IRAK4: variants seen among roughly 807,000 people sequenced by gnomAD.
IRAK4 encodes the protein interleukin-1 receptor-associated kinase 4.
Under a neutral mutation model 51.8 loss-of-function variants are expected in IRAK4, and 44 were observed. The ratio of observed to expected loss-of-function variants is 0.85; its 90% confidence interval spans 0.67 to 1.09. IRAK4 has a LOEUF of 1.09. IRAK4 is among the 50% of genes least tolerant of loss of function. The probability of loss-of-function intolerance (pLI) is 0.00; values close to 1 mark genes in which losing one functional copy is unlikely to be tolerated. For missense variants in IRAK4, 487 were observed against 538.0 expected, an observed-to-expected ratio of 0.91 and a Z score of 0.94; for synonymous variants, 149 against 174.1, an observed-to-expected ratio of 0.86 and a Z score of 1.13.
chr12:43,763,295 T>C (rs996358748), intron 1 of IRAK4: 6 of 152,198 alleles, frequency 3.9e-5, no homozygotes, highest in African/African-American at 1.4e-4. Context: ...TATATGTCTG[T>C]GTGAAGCTGG....
intron 9 of IRAK4, among the ~76,000 whole-genome samples, chr12:43,782,906 C>T (rs570355382): frequency 1.3e-5 from 2 of 152,152 alleles, no homozygotes; most frequent in South Asian, 2.1e-4. Flanking sequence ...TTTTTTCATA[C>T]GTGTTTCATA....
intron 4 of IRAK4, among the ~76,000 whole-genome samples, chr12:43,772,577 A>T (rs190455652): frequency 1.3e-5 from 2 of 152,134 alleles, no homozygotes; most frequent in Non-Finnish European, 2.9e-5. Context: ...CAGAGAAGCT[A>T]TGAAAAAAAA....
chr12:43,772,787 C>A, intron 4 of IRAK4, 125 bp from the exon 5 acceptor site: 2 of 737,718 alleles, frequency 2.7e-6, no homozygotes, highest in Non-Finnish European at 4.3e-6. Flanking sequence ...GTTTTATCTT[C>A]TCTCATCTTG....
Position 43,768,138 on chromosome 12 carries a change from A to C in IRAK4, c.27A>C (p.Thr9=), listed in dbSNP as rs749572231. 1 of 1,613,782 alleles carries C rather than the reference A, an allele frequency of 6.2e-7. No individual in the cohort carries two copies. The highest frequency in any genetic ancestry group is 2.2e-5 in the East Asian group (1 of 44,826). The part of the protein sequence containing the change: MNKPITPS[T]YVRCLNVGLI... ...TGAACAAACCCATAACACCATCAAC[A>C]TATGTGCGCTGCCTCAATGTTGGAC... Residue 9 remains threonine, a synonymous_variant, in exon 2 of 12, where the codon ACA becomes ACC. Transcript: ENST00000613694.
At position 43,789,418 on chromosome 12, in the gene IRAK4, A is replaced by G. The variant is rs1168997070; in HGVS notation, c.*2703A>G. ...CCTGCAGAACCGTAAGCCAAAACAAACCTTTTTTCTTTATAAATTACCCAG... is the reference window on the plus strand; with the variant it reads ...CCTGCAGAACCGTAAGCCAAAACAAGCCTTTTTTCTTTATAAATTACCCAG... On this transcript the variant is annotated 3_prime_UTR_variant, in exon 12 of 12. Coordinates refer to ENST00000613694, the MANE Select transcript of IRAK4 (RefSeq NM_016123.4). 2.6e-5 allele frequency: 4 copies of G among 152,118 alleles called. No individual in the cohort carries two copies. The highest frequency in any genetic ancestry group is 9.7e-5 in the African/African-American group (4 of 41,414). The allele number at this position is 152,118 out of a possible 1,614,324, so 9.4% of individuals were successfully genotyped here. A position where few individuals can be genotyped will look rare whatever the true frequency, so the allele number is the denominator to read the frequency against.
At chr12:43,762,625 A>T (rs1342742356) in intron 1 of IRAK4, among the ~76,000 whole-genome samples, 1 of 152,196 alleles carries the variant, frequency 6.6e-6, no homozygotes, top group Non-Finnish European at 1.5e-5. Context: ...TCAGGAGAGC[A>T]CCCATCTAAC....
intron 2 of IRAK4, among the ~76,000 whole-genome samples, chr12:43,769,506 G>T (rs956362873): frequency 2.4e-4 from 37 of 152,030 alleles, no homozygotes; most frequent in African/African-American, 8.7e-4. Flanking sequence ...CAAAAAATTA[G>T]CTGGGTGTGG....
intron 6 of IRAK4, 59 bp from the exon 7 acceptor site, chr12:43,777,571 A>C: frequency 2.0e-6 from 3 of 1,477,320 alleles, no homozygotes; most frequent in Non-Finnish European, 2.7e-6. Context: ...ATAACTTCCA[A>C]CCTATAGCTG....
chr12:43,782,395 A>T lies in IRAK4; in HGVS notation c.1030A>T (p.Met344Leu). 6.2e-7 allele frequency: 1 copy of T among 1,613,960 alleles called. No homozygotes were observed. The highest frequency in any genetic ancestry group is 2.2e-5 in the East Asian group (1 of 44,862). The change falls in exon 9 of 12, where the codon ATG (methionine) becomes TTG (leucine). Residue 344 changes from methionine to leucine, a missense_variant. Transcript: ENST00000613694. ...RASEKFAQTV[M>L]TSRIVGTTAY... is the part of the protein sequence containing the mutation. Reference sequence around the variant, plus strand: ...TTCTGAGAAGTTTGCCCAGACAGTCATGACTAGCAGAATTGTGGGAACAAC... The same window carrying T: ...TTCTGAGAAGTTTGCCCAGACAGTCTTGACTAGCAGAATTGTGGGAACAAC...
chr12:43,767,695 AATT>A lies in IRAK4; in HGVS notation c.-9-407_-9-405del, dbSNP rs1348151299. Among the ~76,000 whole-genome samples the A allele has an allele frequency of 2.1e-5, 3 of 142,524 alleles. No individual in the cohort carries two copies. The East Asian group carries it at 5.9e-4, about 28-fold the overall frequency. The allele number at this position is 142,524 out of a possible 152,430, so 93.5% of individuals were successfully genotyped here. ...TAAATTTTAATTGTAAATAAGTACT[AATT>A]GAGAAACATAAATTGAAAGGTAAAT... On this transcript the variant is annotated intron_variant, in intron 1 of 11. Transcript: ENST00000613694.
rs1355140197 is a variant in IRAK4 at position 43,772,933 on chromosome 12, A to C, written c.512A>C (p.Tyr171Ser). 6.2e-7 allele frequency: 1 copy of C among 1,608,708 alleles called. No homozygotes were observed. The highest frequency in any genetic ancestry group is 8.5e-7 in the Non-Finnish European group (1 of 1,177,280). The change falls in exon 5 of 12, where the codon TAT becomes TCT. Residue 171 changes from tyrosine to serine, a missense_variant. Coordinates refer to ENST00000613694, the MANE Select transcript of IRAK4 (RefSeq NM_016123.4). Reference sequence around the variant, plus strand: ...ATAGGTTTTCACAGTTTTTCATTTTATGAATTGAAGAATGTCACAAATAAC... The same window carrying C: ...ATAGGTTTTCACAGTTTTTCATTTTCTGAATTGAAGAATGTCACAAATAAC... ...SDTRFHSFSFYELKNVTNNFD... is the reference protein window; with the variant it reads ...SDTRFHSFSFSELKNVTNNFD...
At chr12:43,765,328 T>A (rs1940012300) in intron 1 of IRAK4, among the ~76,000 whole-genome samples, 1 of 152,236 alleles carries the variant, frequency 6.6e-6, no homozygotes, top group Non-Finnish European at 1.5e-5. Flanking sequence ...TCGATGTGGA[T>A]GGTCTGCCGC....
intron 1 of IRAK4, among the ~76,000 whole-genome samples, chr12:43,760,089 C>G (rs533905412): frequency 6.6e-6 from 1 of 152,128 alleles, no homozygotes; most frequent in Non-Finnish European, 1.5e-5. Flanking sequence ...GCAGAGCGTT[C>G]ATTTGAAGTT....
intron 6 of IRAK4, among the ~76,000 whole-genome samples, chr12:43,775,217 A>G (rs1941157486): frequency 6.6e-6 from 1 of 152,148 alleles, no homozygotes; most frequent in Admixed American, 6.5e-5. Context: ...TTTTTTTTTC[A>G]GGATTTGTCT....
rs1286443316 is a variant in IRAK4, at chr12:43,777,710, CTAAT to C, written c.798_801del (p.Asn267ValfsTer4). ...CTCTGCTTAGTATATGTTTACATGC[CTAAT>C]GGTTCATTGCTAGACAGACTCTCTT... On this transcript the variant is annotated frameshift_variant, in exon 7 of 12. Transcript: ENST00000613694. LOFTEE classifies it high-confidence loss of function. The C allele has an allele frequency of 3.7e-6, 6 of 1,613,144 alleles. No individual in the cohort carries two copies. Among genetic ancestry groups the C allele is most frequent in the African/African-American group, 2.7e-5 (2 of 74,870 alleles).
intron 1 of IRAK4, among the ~76,000 whole-genome samples, chr12:43,763,877 T>G (rs1257141148): frequency 6.6e-6 from 1 of 152,198 alleles, no homozygotes; most frequent in Non-Finnish European, 1.5e-5. Flanking sequence ...CTATTTGACC[T>G]CTCTGAGTCT....
rs770553873 is a variant in IRAK4 at position 43,775,874 on chromosome 12, C to CTTTTTTTTTTTTTTTTTT, written c.717-1748_717-1731dup. Among the ~76,000 whole-genome samples, 8 of 90,540 alleles carry CTTTTTTTTTTTTTTTTTT rather than the reference C, an allele frequency of 8.8e-5. 1 individual carries two copies. The highest frequency in any genetic ancestry group is 4.0e-4 in the African/African-American group (8 of 19,920). The allele number at this position is 90,540 out of a possible 152,430, so 59.4% of individuals were successfully genotyped here. ...TCCTTACCTTCATTTAATATCATTA[C>CTTTTTTTTTTTTTTTTTT]TTTTTTTTTTTTTTTTTTTTTTTTT... On this transcript the variant is annotated intron_variant, in intron 6 of 11. Coordinates refer to ENST00000613694, the MANE Select transcript of IRAK4 (RefSeq NM_016123.4).
chr12:43,777,627 CA>C lies in IRAK4; in HGVS notation c.717-2del. Reference sequence around the variant, plus strand: ...ATTTTGCATGAAAAATTATTTGTCACAGGTGTCAACATGAAAACTTAGTAGA... The same window carrying C: ...ATTTTGCATGAAAAATTATTTGTCACGGTGTCAACATGAAAACTTAGTAGA... On this transcript the variant is annotated splice_acceptor_variant, in intron 6 of 11. Transcript: ENST00000613694. LOFTEE classifies it high-confidence loss of function. 1.3e-6 allele frequency: 2 copies of C among 1,599,538 alleles called. No individual in the cohort carries two copies. Among genetic ancestry groups the C allele is most frequent in the Non-Finnish European group, 1.7e-6 (2 of 1,172,320 alleles).
At chr12:43,773,752 A>C (rs946549988) in intron 5 of IRAK4, 6 of 374,690 alleles carry the variant, frequency 1.6e-5, no homozygotes, top group Non-Finnish European at 2.9e-5. Flanking sequence ...TCCACAACTC[A>C]GTGAAATTTA....
Sources: gnomAD v4.1 joint callset for allele counts (sites outside exome capture counted in the v4.1 genomes callset) on GRCh38, gnomAD v4.1.1 for gene constraint, MANE v1.5 for transcripts, NCBI Gene and HGNC (gene_info 2026-07-23, HGNC 2026-07-21) for gene names.